SAMD12: variants seen among roughly 807,000 people sequenced by gnomAD.
The protein encoded by SAMD12 is sterile alpha motif domain-containing protein 12.
A neutral mutation model predicts 15.0 loss-of-function variants in SAMD12; 9 were observed. That is an observed-to-expected ratio of 0.60 (90% CI 0.36 to 1.05). The LOEUF is 1.05. SAMD12 is among the 50% of genes least tolerant of loss of function. The probability of loss-of-function intolerance (pLI) is 0.01; values close to 1 mark genes in which losing one functional copy is unlikely to be tolerated. For missense variants in SAMD12, 230 were observed against 234.2 expected (o/e 0.98, Z 0.12); for synonymous variants, 86 against 90.1 (o/e 0.96, Z 0.25).
intron 4 of SAMD12, among the ~76,000 whole-genome samples, chr8:118,314,287 T>C (rs1815770171): frequency 6.6e-6 from 1 of 152,218 alleles, no homozygotes; most frequent in South Asian, 2.1e-4. Flanking sequence ...TCTTCTTTTT[T>C]TAACTTTTTA....
chr8:118,399,307 A>T (rs887230596), intron 3 of SAMD12, among the ~76,000 whole-genome samples: 2 of 152,058 alleles, frequency 1.3e-5, no homozygotes, highest in African/African-American at 2.4e-5. Flanking sequence ...ATCAAACCAC[A>T]ATTCCCAGCA....
At chr8:118,471,501 C>T (rs1823792288) in intron 2 of SAMD12, among the ~76,000 whole-genome samples, 1 of 152,134 alleles carries the variant, frequency 6.6e-6, no homozygotes, top group East Asian at 1.9e-4. Flanking sequence ...TAACCAATGT[C>T]ACCACTGAAA....
At chr8:118,402,410 G>T (rs561206863) in intron 3 of SAMD12, among the ~76,000 whole-genome samples, 1 of 152,292 alleles carries the variant, frequency 6.6e-6, no homozygotes, top group Non-Finnish European at 1.5e-5. Flanking sequence ...AAGGCAGATG[G>T]AGAAATAACA....
intron 4 of SAMD12, among the ~76,000 whole-genome samples, chr8:118,280,459 C>T (rs1813593793): frequency 6.6e-6 from 1 of 152,094 alleles, no homozygotes; most frequent in Non-Finnish European, 1.5e-5. Flanking sequence ...ATCACTGATG[C>T]CTCCAGGGAG....
chr8:118,431,627 G>C (rs1822418033), intron 3 of SAMD12, among the ~76,000 whole-genome samples: 1 of 151,154 alleles, frequency 6.6e-6, no homozygotes, highest in Non-Finnish European at 1.5e-5. Context: ...CTGGAACTAA[G>C]GTACATGATG....
At chr8:118,200,618 G>A (rs913278737) in intron 4 of SAMD12, among the ~76,000 whole-genome samples, 1 of 152,102 alleles carries the variant, frequency 6.6e-6, no homozygotes, top group African/African-American at 2.4e-5. Flanking sequence ...TATGGCAGAG[G>A]AGTGTCATCT....
intron 3 of SAMD12, among the ~76,000 whole-genome samples, chr8:118,429,769 C>T (rs920265631): frequency 1.8e-4 from 27 of 152,106 alleles, no homozygotes; most frequent in African/African-American, 6.5e-4. Context: ...TGGCAGATGC[C>T]TATAATCCCA....
chr8:118,156,344 T>C, the SAMD12 span, among the ~76,000 whole-genome samples: 1 of 152,200 alleles, frequency 6.6e-6, no homozygotes, highest in Non-Finnish European at 1.5e-5. Flanking sequence ...TAATATTGCT[T>C]GCTTGGATCC....
the SAMD12 span, among the ~76,000 whole-genome samples, chr8:118,138,011 A>ATT: frequency 6.6e-6 from 1 of 152,116 alleles, no homozygotes; most frequent in African/African-American, 2.4e-5. Flanking sequence ...GGAAAATGAA[A>ATT]TATCAATGTT....
intron 2 of SAMD12, among the ~76,000 whole-genome samples, chr8:118,540,700 T>TA (rs61083709): frequency 0.32 from 47,336 of 150,236 alleles, 7,891 homozygotes; most frequent in Admixed American, 0.4. Context: ...CAACTGGCCA[T>TA]AAAAAAAAAA....
At chr8:118,207,151 T>G in intron 4 of SAMD12, among the ~76,000 whole-genome samples, 1 of 152,256 alleles carries the variant, frequency 6.6e-6, no homozygotes, top group East Asian at 1.9e-4. Flanking sequence ...TCATTTAGGA[T>G]ATCTATTAAC....
At chr8:118,484,874 C>A (rs1024711783) in intron 2 of SAMD12, among the ~76,000 whole-genome samples, 2 of 152,116 alleles carry the variant, frequency 1.3e-5, no homozygotes, top group Admixed American at 6.5e-5. Flanking sequence ...ATTCATTTAA[C>A]AAATATTTAT....
chr8:118,198,705 G>C (rs923465619), intron 4 of SAMD12, among the ~76,000 whole-genome samples: 1 of 152,074 alleles, frequency 6.6e-6, no homozygotes, highest in Non-Finnish European at 1.5e-5. Context: ...AAAAATAAAA[G>C]GTACTATGTA....
chr8:118,503,457 C>T (rs1372391407), intron 2 of SAMD12, among the ~76,000 whole-genome samples: 1 of 152,198 alleles, frequency 6.6e-6, no homozygotes, highest in Non-Finnish European at 1.5e-5. Flanking sequence ...GATCCCTTTT[C>T]ACGGGTAAGA....
intron 4 of SAMD12, among the ~76,000 whole-genome samples, chr8:118,249,947 C>T (rs1374627562): frequency 1.3e-5 from 2 of 152,122 alleles, no homozygotes; most frequent in Admixed American, 6.6e-5. Flanking sequence ...CAGGCAGAAG[C>T]CTCTGAGTGA....
At chr8:118,133,144 T>C in the SAMD12 span, among the ~76,000 whole-genome samples, 1 of 151,250 alleles carries the variant, frequency 6.6e-6, no homozygotes, top group African/African-American at 2.4e-5. Context: ...TTATATTTTC[T>C]CTGTTTTATG....
intron 4 of SAMD12, among the ~76,000 whole-genome samples, chr8:118,342,706 G>A (rs1432087936): frequency 6.6e-6 from 1 of 152,188 alleles, no homozygotes; most frequent in Non-Finnish European, 1.5e-5. Flanking sequence ...GTTCTCAAAT[G>A]CTAGTGATAG....
intron 3 of SAMD12, among the ~76,000 whole-genome samples, chr8:118,433,058 T>A (rs946612649): frequency 8.2e-4 from 125 of 152,316 alleles, no homozygotes; most frequent in African/African-American, 2.9e-3. Context: ...TGTACCTATA[T>A]TGTAAGGGGG....
chr8:118,327,938 A>AATGC (rs1255785727), intron 4 of SAMD12, among the ~76,000 whole-genome samples: 1 of 152,212 alleles, frequency 6.6e-6, no homozygotes, highest in Non-Finnish European at 1.5e-5. Context: ...CGATCTTCAA[A>AATGC]ATGCAGACTG....
Sources: allele counts gnomAD v4.1 joint callset (sites outside exome capture counted in the v4.1 genomes callset), GRCh38; gene constraint gnomAD v4.1.1; transcripts MANE v1.5; gene names NCBI Gene and HGNC (gene_info 2026-07-23, HGNC 2026-07-21).